The following MARK3 variants were observed in gnomAD, a reference collection of about 807,000 sequenced individuals.
The protein encoded by MARK3 is microtubule affinity regulating kinase 3.
A neutral mutation model predicts 90.1 loss-of-function variants in MARK3; 46 were observed. That is an observed-to-expected ratio of 0.51 (90% CI 0.40 to 0.65). MARK3 has a LOEUF of 0.65. MARK3 is among the 30% of genes least tolerant of loss of function. The pLI is 0.00. For synonymous variants in MARK3, 321 were observed against 332.6 expected, an observed-to-expected ratio of 0.97 and a Z score of 0.38; for missense variants, 818 against 947.2, an observed-to-expected ratio of 0.86 and a Z score of 1.79.
chr14:103,470,453 C>CTGTTTTTTTTTTTTTTTTT, intron 12 of MARK3, among the ~76,000 whole-genome samples: 1 of 24,186 alleles, frequency 4.1e-5, no homozygotes, highest in Non-Finnish European at 8.3e-5. Flanking sequence ...GGAACTAAAT[C>CTGTTTTTTTTTTTTTTTTT]TATTTTTTTT....
intron 2 of MARK3, among the ~76,000 whole-genome samples, chr14:103,427,909 GCTC>G (rs1188393061): frequency 6.6e-6 from 1 of 152,152 alleles, no homozygotes; most frequent in African/African-American, 2.4e-5. Context: ...CTTCTGCCAA[GCTC>G]CTCCTATCTC....
At chr14:103,450,920 T>G (rs374315831) in intron 4 of MARK3, among the ~76,000 whole-genome samples, 14 of 67,572 alleles carry the variant, frequency 2.1e-4, no homozygotes, top group Non-Finnish European at 2.6e-4. Context: ...GTGTGTGTAT[T>G]CTTTTTTTTT....
chr14:103,453,478 A>G (rs1403311699), intron 5 of MARK3, among the ~76,000 whole-genome samples: 2 of 152,362 alleles, frequency 1.3e-5, no homozygotes, highest in East Asian at 3.9e-4. Flanking sequence ...TGAGTTTACC[A>G]TTGAAAATAA....
intron 3 of MARK3, among the ~76,000 whole-genome samples, chr14:103,444,484 G>C (rs2092942956): frequency 6.6e-6 from 1 of 152,178 alleles, no homozygotes; most frequent in Non-Finnish European, 1.5e-5. Context: ...GTTGTATTAA[G>C]ATAGTAGAAA....
intron 12 of MARK3, 70 bp from the exon 13 acceptor site, chr14:103,474,923 T>C (rs961987251): frequency 1.6e-6 from 2 of 1,238,600 alleles, no homozygotes; most frequent in Non-Finnish European, 2.3e-6. Context: ...TCTTACAAAA[T>C]ATGGTTACTG....
At chr14:103,418,382 C>T (rs751596062) in intron 2 of MARK3, among the ~76,000 whole-genome samples, 4 of 151,978 alleles carry the variant, frequency 2.6e-5, no homozygotes, top group Non-Finnish European at 5.9e-5. Flanking sequence ...ATGTGGAGCC[C>T]TAAGCATCTG....
chr14:103,401,022 C>T (rs1056341925), intron 1 of MARK3, among the ~76,000 whole-genome samples: 2 of 130,498 alleles, frequency 1.5e-5, no homozygotes, highest in Admixed American at 8.2e-5. Context: ...GAAAAAAATA[C>T]GTGTATGAAA....
At chr14:103,393,803 A>G (rs2090417218) in intron 1 of MARK3, among the ~76,000 whole-genome samples, 1 of 150,184 alleles carries the variant, frequency 6.7e-6, no homozygotes, top group South Asian at 2.1e-4. Context: ...TCTTGTTGCC[A>G]GGCTGGAGTG....
Position 103,443,616 on chromosome 14 carries a change from G to A in MARK3, c.298-5303G>A, listed in dbSNP as rs984088332. 2.6e-5 allele frequency among the ~76,000 whole-genome samples: 4 copies of A among 152,156 alleles called. No homozygotes were observed. In the East Asian group the frequency reaches 5.8e-4, roughly 22 times the overall value. Reference sequence around the variant, plus strand: ...ATACCCAGCGGTCACAGTGGAAGTCGTCTTTGAGACTTAGAGCGTTTGAGG... The same window carrying A: ...ATACCCAGCGGTCACAGTGGAAGTCATCTTTGAGACTTAGAGCGTTTGAGG... On this transcript the variant is annotated intron_variant, in intron 3 of 17. Coordinates refer to ENST00000429436, the MANE Select transcript of MARK3 (RefSeq NM_001128918.3).
intron 1 of MARK3, among the ~76,000 whole-genome samples, chr14:103,386,611 C>G (rs377073741): frequency 1.3e-5 from 2 of 152,316 alleles, no homozygotes; most frequent in South Asian, 4.1e-4. Context: ...TTGCGGTCCC[C>G]TTAGGAATTC....
At chr14:103,467,977 A>G (rs1193857116) in intron 11 of MARK3, 56 bp from the exon 12 acceptor site, 6 of 1,572,910 alleles carry the variant, frequency 3.8e-6, no homozygotes, top group Non-Finnish European at 5.2e-6. Flanking sequence ...TTAACTTCCT[A>G]ATAAGCCATT....
chr14:103,451,838 A>G, intron 4 of MARK3, 80 bp from the exon 5 acceptor site: 1 of 944,832 alleles, frequency 1.1e-6, no homozygotes, highest in Non-Finnish European at 1.6e-6. Flanking sequence ...GTTGCTTTTC[A>G]TAGTTAGAGT....
chr14:103,498,877 A>G (rs551473631), intron 16 of MARK3: 1 of 161,890 alleles, frequency 6.2e-6, no homozygotes, highest in Middle Eastern at 2.9e-3. Context: ...TGTACAATTA[A>G]TGATTATCCA....
At chr14:103,492,377 C>G (rs1319892506) in intron 15 of MARK3, among the ~76,000 whole-genome samples, 1 of 152,096 alleles carries the variant, frequency 6.6e-6, no homozygotes, top group African/African-American at 2.4e-5. Flanking sequence ...GGCTGGCACT[C>G]TGTAACAATC....
chr14:103,477,642 G>A (rs1187791859), intron 13 of MARK3, among the ~76,000 whole-genome samples: 1 of 150,566 alleles, frequency 6.6e-6, no homozygotes, highest in Non-Finnish European at 1.5e-5. Flanking sequence ...ACAGTATTGT[G>A]CAGCCAACAC....
At chr14:103,487,174 C>T (rs941567900) in intron 14 of MARK3, among the ~76,000 whole-genome samples, 1 of 151,370 alleles carries the variant, frequency 6.6e-6, no homozygotes, top group African/African-American at 2.4e-5. Flanking sequence ...GCCTCAGCCT[C>T]CCAAAGTGCT....
intron 13 of MARK3, among the ~76,000 whole-genome samples, chr14:103,478,630 C>CCCGGGT (rs57811133): frequency 0.34 from 51,542 of 151,318 alleles, 9,238 homozygotes; most frequent in East Asian, 0.5. Context: ...AACTCCACCT[C>CCCGGGT]CCGGGTTCAA....
intron 2 of MARK3, among the ~76,000 whole-genome samples, chr14:103,421,750 G>T (rs1352191610): frequency 2.0e-5 from 3 of 152,072 alleles, no homozygotes; most frequent in African/African-American, 7.2e-5. Flanking sequence ...TCTTCTGGTG[G>T]CAGCCCTTCC....
At chr14:103,399,235 A>G (rs2090783166) in intron 1 of MARK3, among the ~76,000 whole-genome samples, 1 of 152,218 alleles carries the variant, frequency 6.6e-6, no homozygotes. Context: ...GTGATTTACA[A>G]TTCATGCTTC....
Sources: gnomAD v4.1 joint callset for allele counts (sites outside exome capture counted in the v4.1 genomes callset) on GRCh38, gnomAD v4.1.1 for gene constraint, MANE v1.5 for transcripts, NCBI Gene and HGNC (gene_info 2026-07-23, HGNC 2026-07-21) for gene names.